The following COMMD1 variants were observed in gnomAD, a reference collection of about 807,000 sequenced individuals.
The protein encoded by COMMD1 is copper metabolism domain containing 1.
In COMMD1, 10 loss-of-function variants were observed where a neutral mutation model predicts 17.2. That is an observed-to-expected ratio of 0.58 (90% CI 0.36 to 0.99). COMMD1 has a LOEUF of 0.99. Ranked by LOEUF, COMMD1 falls within the 50% of genes least tolerant of loss-of-function variation. The pLI is 0.01. For missense variants in COMMD1, 270 were observed against 231.8 expected, an observed-to-expected ratio of 1.17 and a Z score of -1.07; for synonymous variants, 97 against 91.6, an observed-to-expected ratio of 1.06 and a Z score of -0.34.
chr2:61,977,899 G>A (rs1204790501), intron 1 of COMMD1, among the ~76,000 whole-genome samples: 1 of 151,736 alleles, frequency 6.6e-6, no homozygotes, highest in African/African-American at 2.4e-5. Context: ...TGAGGCTCAA[G>A]AGTTGCTTGA....
At chr2:62,016,365 T>G (rs1291710768) in intron 2 of COMMD1, among the ~76,000 whole-genome samples, 1 of 151,708 alleles carries the variant, frequency 6.6e-6, no homozygotes, top group Non-Finnish European at 1.5e-5. Flanking sequence ...CAAGCTACCA[T>G]GCCTGGTTAA....
intron 1 of COMMD1, among the ~76,000 whole-genome samples, chr2:61,963,279 T>C (rs1671415306): frequency 6.6e-6 from 1 of 151,908 alleles, no homozygotes. Flanking sequence ...AGGACTTTCC[T>C]GAGTTCTATG....
At chr2:61,993,584 A>G (rs745902199) in intron 1 of COMMD1, among the ~76,000 whole-genome samples, 3 of 152,254 alleles carry the variant, frequency 2.0e-5, no homozygotes, top group Non-Finnish European at 4.4e-5. Context: ...AGAGAGAAGA[A>G]TAAAGGATGA....
chr2:61,981,344 G>T (rs573168935), intron 1 of COMMD1, among the ~76,000 whole-genome samples: 1 of 152,294 alleles, frequency 6.6e-6, no homozygotes, highest in African/African-American at 2.4e-5. Context: ...AGAGATAGGG[G>T]TCTAGTTTCA....
chr2:62,050,119 T>C (rs1670497219), intron 2 of COMMD1, among the ~76,000 whole-genome samples: 1 of 152,176 alleles, frequency 6.6e-6, no homozygotes, highest in Non-Finnish European at 1.5e-5. Context: ...TATAAGCTAC[T>C]GATTCCATAC....
chr2:61,888,883 A>T (rs978047082), intron 1 of COMMD1: 27 of 200,840 alleles, frequency 1.3e-4, no homozygotes, highest in African/African-American at 6.0e-4. Flanking sequence ...TTGCACGGCT[A>T]TGAGGTCCCC....
intron 2 of COMMD1, among the ~76,000 whole-genome samples, chr2:62,075,048 C>T (rs1671304644): frequency 6.6e-6 from 1 of 151,912 alleles, no homozygotes; most frequent in East Asian, 1.9e-4. Flanking sequence ...CGCCACCACA[C>T]CCAGCTAATT....
intron 1 of COMMD1, among the ~76,000 whole-genome samples, chr2:61,986,484 G>A (rs1014790863): frequency 7.0e-6 from 1 of 143,140 alleles, no homozygotes; most frequent in African/African-American, 2.6e-5. Flanking sequence ...CTGTGTCTCT[G>A]TTTACCTTAT....
At chr2:61,985,283 C>T (rs2103764043) in intron 1 of COMMD1, among the ~76,000 whole-genome samples, 1 of 152,290 alleles carries the variant, frequency 6.6e-6, no homozygotes, top group South Asian at 2.1e-4. Context: ...ATCTCCTGAC[C>T]TGGTGATCCG....
chr2:62,103,193 C>T (rs1189123740), intron 2 of COMMD1, among the ~76,000 whole-genome samples: 2 of 152,058 alleles, frequency 1.3e-5, no homozygotes, highest in African/African-American at 2.4e-5. Flanking sequence ...TTAGCCAGAA[C>T]GATCTCGATC....
intron 2 of COMMD1, among the ~76,000 whole-genome samples, chr2:62,057,575 T>C (rs937386167): frequency 6.6e-6 from 1 of 152,048 alleles, no homozygotes; most frequent in Non-Finnish European, 1.5e-5. Flanking sequence ...GTTCAAAATA[T>C]TTTATTTATT....
intron 1 of COMMD1, among the ~76,000 whole-genome samples, chr2:61,972,421 C>T (rs1485932759): frequency 3.9e-5 from 6 of 152,094 alleles, no homozygotes; most frequent in South Asian, 2.1e-4. Flanking sequence ...AAGGAGGTGT[C>T]GCATAACTCT....
At chr2:61,920,700 T>G (rs1251445542) in intron 1 of COMMD1, among the ~76,000 whole-genome samples, 1 of 152,054 alleles carries the variant, frequency 6.6e-6, no homozygotes, top group Non-Finnish European at 1.5e-5. Context: ...CCAGTAACAA[T>G]GAGCTTCTAG....
At chr2:62,002,596 G>C (rs1349698636) in intron 2 of COMMD1, among the ~76,000 whole-genome samples, 1 of 151,224 alleles carries the variant, frequency 6.6e-6, no homozygotes, top group South Asian at 2.1e-4. Context: ...GGAAGGCCAA[G>C]GCAGGTGGAT....
intron 2 of COMMD1, among the ~76,000 whole-genome samples, chr2:62,101,499 A>G (rs1672176352): frequency 1.3e-5 from 2 of 152,182 alleles, no homozygotes; most frequent in East Asian, 1.9e-4. Flanking sequence ...AGTTCTAGCT[A>G]TTCAGGAGGC....
At chr2:61,983,636 T>C (rs1672019169) in intron 1 of COMMD1, among the ~76,000 whole-genome samples, 1 of 152,212 alleles carries the variant, frequency 6.6e-6, no homozygotes, top group African/African-American at 2.4e-5. Flanking sequence ...TGGCATATAG[T>C]TGTTCATGGT....
At chr2:62,052,859 G>A (rs1174268787) in intron 2 of COMMD1, among the ~76,000 whole-genome samples, 2 of 152,062 alleles carry the variant, frequency 1.3e-5, no homozygotes, top group Admixed American at 1.3e-4. Flanking sequence ...TGAATCTCTT[G>A]AGCCCTAGAG....
At chr2:61,916,447 G>C (rs970192495) in intron 1 of COMMD1, among the ~76,000 whole-genome samples, 9 of 151,954 alleles carry the variant, frequency 5.9e-5, no homozygotes, top group Non-Finnish European at 1.3e-4. Flanking sequence ...TTAAAGATGA[G>C]GTCAAGCTCT....
At chr2:61,995,054 T>G (rs1208032463) in intron 1 of COMMD1, among the ~76,000 whole-genome samples, 2 of 152,210 alleles carry the variant, frequency 1.3e-5, no homozygotes, top group African/African-American at 4.8e-5. Context: ...CTGAAAATTT[T>G]TCACTTCAGT....
Sources: gnomAD v4.1 joint callset for allele counts (sites outside exome capture counted in the v4.1 genomes callset) on GRCh38, gnomAD v4.1.1 for gene constraint, MANE v1.5 for transcripts, NCBI Gene and HGNC (gene_info 2026-07-23, HGNC 2026-07-21) for gene names.